The following FRMD4B variants were observed in gnomAD, a reference collection of about 807,000 sequenced individuals.
FRMD4B encodes the protein FERM domain containing 4B, also known as FERM domain-containing protein 4B.
In FRMD4B, 74 loss-of-function variants were observed where a neutral mutation model predicts 141.5. That is an observed-to-expected ratio of 0.52 (90% CI 0.43 to 0.63). The LOEUF (loss-of-function observed/expected upper bound fraction) is 0.63. Ranked by LOEUF, FRMD4B falls within the 30% of genes least tolerant of loss-of-function variation. FRMD4B has a pLI of 0.00. For synonymous variants in FRMD4B, 506 were observed against 467.9 expected, an observed-to-expected ratio of 1.08 and a Z score of -1.05; for missense variants, 1,366 against 1,253.4, an observed-to-expected ratio of 1.09 and a Z score of -1.36.
At chr3:69,361,945 T>C (rs1703482595) in intron 1 of FRMD4B, among the ~76,000 whole-genome samples, 1 of 152,182 alleles carries the variant, frequency 6.6e-6, no homozygotes, top group Non-Finnish European at 1.5e-5. Context: ...TCCTAAAAGG[T>C]CATACCATTT....
chr3:69,523,268 A>G (rs1700880795), intron 1 of FRMD4B, among the ~76,000 whole-genome samples: 1 of 152,192 alleles, frequency 6.6e-6, no homozygotes, highest in Admixed American at 6.5e-5. Context: ...AGAGGATGAC[A>G]GAAGTGGTTA....
chr3:69,384,495 A>AC (rs1704201728), intron 1 of FRMD4B, among the ~76,000 whole-genome samples: 1 of 152,232 alleles, frequency 6.6e-6, no homozygotes, highest in East Asian at 1.9e-4. Context: ...AGGAAAAAAA[A>AC]GGCTTGAAAG....
intron 4 of FRMD4B, among the ~76,000 whole-genome samples, chr3:69,301,536 G>T (rs1462504486): frequency 6.6e-6 from 1 of 151,998 alleles, no homozygotes; most frequent in Non-Finnish European, 1.5e-5. Flanking sequence ...TGCCATGTTG[G>T]CCAGGCTGTT....
intron 3 of FRMD4B, among the ~76,000 whole-genome samples, chr3:69,305,657 G>A (rs1946564772): frequency 6.6e-6 from 1 of 152,158 alleles, no homozygotes; most frequent in Non-Finnish European, 1.5e-5. Flanking sequence ...AGGAGGTTGA[G>A]GCAGGAGGAT....
At chr3:69,541,025 C>T (rs1233293564) in intron 1 of FRMD4B, 1 of 152,164 alleles carries the variant, frequency 6.6e-6, no homozygotes, top group Non-Finnish European at 1.5e-5. Flanking sequence ...CTTTTCTTCC[C>T]CTCTAGACAT....
At chr3:69,318,068 C>A (rs550801404) in intron 1 of FRMD4B, among the ~76,000 whole-genome samples, 5 of 152,248 alleles carry the variant, frequency 3.3e-5, no homozygotes, top group African/African-American at 1.2e-4. Flanking sequence ...ACCTCCTGGG[C>A]TCAAGTGATC....
In FRMD4B at chr3:69,213,314, T is replaced by C. The variant is rs376405049; in HGVS notation, c.876+2949A>G. On this transcript the variant is annotated intron_variant, in intron 11 of 22. Transcript: ENST00000398540. ...CTTCTTCCCCTAAAGCATTTTTTTG[T>C]AGTGTTTGCTGCCATTTTTTCTTCC... 2.4e-3 allele frequency among the ~76,000 whole-genome samples: 360 copies of C among 151,584 alleles called. 1 individual carries two copies. The highest frequency in any genetic ancestry group is 8.6e-3 in the African/African-American group (355 of 41,240).
At chr3:69,301,321 G>GT (rs960075766) in intron 4 of FRMD4B, among the ~76,000 whole-genome samples, 19 of 151,610 alleles carry the variant, frequency 1.3e-4, no homozygotes, top group African/African-American at 3.9e-4. Flanking sequence ...ATTACTTCTT[G>GT]TTTTTTTTGT....
At chr3:69,172,850 T>A (rs1278517117) in intron 22 of FRMD4B, among the ~76,000 whole-genome samples, 1 of 152,236 alleles carries the variant, frequency 6.6e-6, no homozygotes, top group East Asian at 1.9e-4. Flanking sequence ...TTATTTTACA[T>A]TCCAAAGTAT....
intron 5 of FRMD4B, among the ~76,000 whole-genome samples, chr3:69,281,755 C>T (rs931956236): frequency 2.7e-5 from 4 of 150,066 alleles, no homozygotes; most frequent in Admixed American, 6.7e-5. Context: ...ACCCAGAAGG[C>T]GGAGGTTGTA....
At chr3:69,338,952 T>A (rs1185461061) in intron 1 of FRMD4B, among the ~76,000 whole-genome samples, 2 of 152,200 alleles carry the variant, frequency 1.3e-5, no homozygotes, top group Non-Finnish European at 2.9e-5. Flanking sequence ...TTAAAACTAT[T>A]CTTCTCTGCC....
chr3:69,426,295 G>A (rs1705075930), intron 2 of FRMD4B, among the ~76,000 whole-genome samples: 1 of 151,330 alleles, frequency 6.6e-6, no homozygotes, highest in African/African-American at 2.4e-5. Flanking sequence ...TTTCATTATT[G>A]TGGATTTGAA....
intron 1 of FRMD4B, among the ~76,000 whole-genome samples, chr3:69,480,869 C>T (rs1033032817): frequency 5.9e-5 from 9 of 152,216 alleles, no homozygotes; most frequent in Admixed American, 3.3e-4. Flanking sequence ...CCACCCAGTT[C>T]GAGCTTCCTG....
intron 7 of FRMD4B, chr3:69,228,454 G>T (rs757492561): frequency 2.2e-6 from 1 of 456,608 alleles, no homozygotes; most frequent in Non-Finnish European, 4.4e-6. Context: ...TGTGAACTCT[G>T]AAGAGAGGAG....
chr3:69,488,044 G>A (rs1706245319), intron 1 of FRMD4B, among the ~76,000 whole-genome samples: 1 of 140,944 alleles, frequency 7.1e-6, no homozygotes, highest in Admixed American at 7.0e-5. Context: ...AAAAGAAAGA[G>A]AAAGAAAGAA....
Position 69,291,199 on chromosome 3 carries a change from C to G in FRMD4B, c.417-3363G>C, listed in dbSNP as rs557689776. Among the ~76,000 whole-genome samples the G allele has an allele frequency of 1.1e-4, 16 of 152,318 alleles. 1 individual carries two copies. In the South Asian group the frequency reaches 2.7e-3, roughly 26 times the overall value. On this transcript the variant is annotated intron_variant, in intron 4 of 22. Transcript: ENST00000398540. ...AAAATCCTAGGTCAGATTAGTAGAA[C>G]TCAACATCTGCCTTCTACTTGAAAT...
chr3:69,332,122 T>C (rs1702389429), intron 1 of FRMD4B, among the ~76,000 whole-genome samples: 2 of 152,002 alleles, frequency 1.3e-5, no homozygotes, highest in African/African-American at 2.4e-5. Context: ...CACCAAGCAA[T>C]TGATACAGAC....
At chr3:69,323,215 A>G (rs1702067544) in intron 1 of FRMD4B, among the ~76,000 whole-genome samples, 2 of 152,166 alleles carry the variant, frequency 1.3e-5, no homozygotes, top group African/African-American at 2.4e-5. Flanking sequence ...GCTAACAAAG[A>G]TAACAGCTGC....
intron 8 of FRMD4B, among the ~76,000 whole-genome samples, chr3:69,222,843 A>G (rs1023715766): frequency 6.6e-6 from 1 of 152,256 alleles, no homozygotes; most frequent in Non-Finnish European, 1.5e-5. Context: ...ATCTTTTGCC[A>G]TAATTGGATG....
Sources: gnomAD v4.1 joint callset for allele counts (sites outside exome capture counted in the v4.1 genomes callset) on GRCh38, gnomAD v4.1.1 for gene constraint, MANE v1.5 for transcripts, NCBI Gene and HGNC (gene_info 2026-07-23, HGNC 2026-07-21) for gene names.